Variants in BCAS3 observed in about 807,000 individuals in gnomAD.
The protein encoded by BCAS3 is BCAS4/BCAS3 fusion.
Under a neutral mutation model 116.1 loss-of-function variants are expected in BCAS3, and 53 were observed. The observed-to-expected ratio is 0.46, with a 90% confidence interval of 0.37 to 0.57. The LOEUF (loss-of-function observed/expected upper bound fraction) is 0.57. Among genes scored for constraint, BCAS3 ranks in the 20% least tolerant of loss-of-function variants. The pLI, the probability that BCAS3 is intolerant of heterozygous loss-of-function variation, is 0.00. For synonymous variants in BCAS3, 391 were observed against 408.2 expected (o/e 0.96, Z 0.51); for missense variants, 917 against 1,165.4 (o/e 0.79, Z 3.10).
Position 61,333,358 on chromosome 17 carries a change from C to T in BCAS3, c.2426-34969C>T, listed in dbSNP as rs2056442752. Reference sequence around the variant, plus strand: ...CTGTAATCTTCAGAGGGCACCAGTTCTTACCAGACAATAGCTGTCTATGAC... The same window carrying T: ...CTGTAATCTTCAGAGGGCACCAGTTTTTACCAGACAATAGCTGTCTATGAC... On this transcript the variant is annotated intron_variant, in intron 22 of 23. Coordinates refer to ENST00000407086, the MANE Select transcript of BCAS3 (RefSeq NM_017679.5). The surrounding 1 kb of genome is among the most constrained non-coding windows in gnomAD (Gnocchi z 4.8). Among the ~76,000 whole-genome samples, 1 of 152,182 alleles carries T rather than the reference C, an allele frequency of 6.6e-6. No homozygotes were observed. The highest frequency in any genetic ancestry group is 2.1e-4 in the South Asian group (1 of 4,828).
chr17:61,015,556 G>T (rs986368241), intron 15 of BCAS3, among the ~76,000 whole-genome samples, 195 bp from the exon 16 acceptor site: 1 of 152,180 alleles, frequency 6.6e-6, no homozygotes, highest in Admixed American at 6.5e-5. Flanking sequence ...TGGGATTACA[G>T]TCATGAGCTA....
intron 15 of BCAS3, among the ~76,000 whole-genome samples, chr17:60,996,728 G>C (rs1405786605): frequency 6.6e-6 from 1 of 152,162 alleles, no homozygotes; most frequent in Non-Finnish European, 1.5e-5. Flanking sequence ...AGATCACCTT[G>C]TAGGTAAGTG....
chr17:61,092,961 A>G (rs1426382808), intron 22 of BCAS3, among the ~76,000 whole-genome samples: 1 of 130,114 alleles, frequency 7.7e-6, no homozygotes, highest in Non-Finnish European at 1.5e-5. Context: ...GCTGGAGTGC[A>G]GTGGCATGAT....
intron 6 of BCAS3, among the ~76,000 whole-genome samples, chr17:60,764,408 C>T (rs8080255): frequency 0.27 from 41,710 of 152,014 alleles, 11,433 homozygotes; most frequent in African/African-American, 0.71. Context: ...TTTGTTCTCA[C>T]TAGTTTCAAA....
intron 22 of BCAS3, among the ~76,000 whole-genome samples, chr17:61,146,346 G>A (rs955848450): frequency 6.6e-6 from 1 of 150,704 alleles, no homozygotes. Context: ...TCGAACTCCT[G>A]GGTTCAGGGA....
chr17:61,289,891 C>G (rs1205912480), intron 22 of BCAS3, among the ~76,000 whole-genome samples: 1 of 152,106 alleles, frequency 6.6e-6, no homozygotes, highest in East Asian at 1.9e-4. Flanking sequence ...AAGGTCTGTT[C>G]CTTAGAATCA....
At chr17:61,000,202 C>G (rs1025002716) in intron 15 of BCAS3, among the ~76,000 whole-genome samples, 3 of 152,062 alleles carry the variant, frequency 2.0e-5, no homozygotes, top group Admixed American at 2.0e-4. Context: ...ACATCTTTGT[C>G]TTGTTCCAGT....
chr17:61,328,111 G>C (rs527692360), intron 22 of BCAS3, among the ~76,000 whole-genome samples: 16 of 151,974 alleles, frequency 1.1e-4, no homozygotes, highest in African/African-American at 3.6e-4. Flanking sequence ...TGCAGAGAGA[G>C]TAACAATAAA....
chr17:60,739,598 C>T (rs1035016390), intron 5 of BCAS3, among the ~76,000 whole-genome samples: 6 of 151,342 alleles, frequency 4.0e-5, no homozygotes, highest in South Asian at 2.1e-4. Flanking sequence ...CCAGCCTGGG[C>T]GACAAGAGCA....
At chr17:61,002,841 T>C (rs1679588229) in intron 15 of BCAS3, 1 of 152,170 alleles carries the variant, frequency 6.6e-6, no homozygotes, top group South Asian at 2.1e-4. Context: ...TTTTGAGGCA[T>C]TGAGGCATTA....
chr17:60,754,708 C>T (rs2042829448), intron 6 of BCAS3, among the ~76,000 whole-genome samples: 1 of 35,112 alleles, frequency 2.8e-5, no homozygotes, highest in Non-Finnish European at 1.5e-4. Flanking sequence ...CACACACACA[C>T]ACACACACAC....
chr17:60,882,077 T>C (rs1470063464), intron 9 of BCAS3, among the ~76,000 whole-genome samples: 2 of 148,700 alleles, frequency 1.3e-5, no homozygotes, highest in Non-Finnish European at 3.0e-5. Context: ...AGTGTTCCTA[T>C]TTCTCCACAT....
At chr17:60,861,583 A>G (rs2054163612) in intron 7 of BCAS3, among the ~76,000 whole-genome samples, 1 of 152,026 alleles carries the variant, frequency 6.6e-6, no homozygotes, top group African/African-American at 2.4e-5. Context: ...CTCAGGGGGA[A>G]TGTTTCCAGT....
At chr17:61,074,139 A>G (rs2071714927) in intron 19 of BCAS3, among the ~76,000 whole-genome samples, 1 of 151,690 alleles carries the variant, frequency 6.6e-6, no homozygotes, top group South Asian at 2.1e-4. Flanking sequence ...AAAAGATTAA[A>G]TACAATCATG....
intron 22 of BCAS3, among the ~76,000 whole-genome samples, chr17:61,192,117 G>A (rs536862430): frequency 6.6e-6 from 1 of 151,546 alleles, no homozygotes; most frequent in Admixed American, 6.6e-5. Context: ...GTGGTGGTGG[G>A]TGCCTGTAAT....
At chr17:61,113,242 C>G (rs1339360864) in intron 22 of BCAS3, among the ~76,000 whole-genome samples, 1 of 25,042 alleles carries the variant, frequency 4.0e-5, no homozygotes, top group African/African-American at 7.1e-5. Flanking sequence ...AAAATCAGAG[C>G]AGAACTGAAG....
intron 22 of BCAS3, among the ~76,000 whole-genome samples, chr17:61,165,962 G>A (rs2078466510): frequency 6.6e-6 from 1 of 152,060 alleles, no homozygotes; most frequent in African/African-American, 2.4e-5. Flanking sequence ...GTCAAACTGA[G>A]GTTTTGTAAA....
At position 60,956,330 on chromosome 17, in the gene BCAS3, C is replaced by G. The variant is rs1359235455; in HGVS notation, c.1221+8978C>G. Among the ~76,000 whole-genome samples, 1 of 152,098 alleles carries G rather than the reference C, an allele frequency of 6.6e-6. No individual in the cohort carries two copies. The highest frequency in any genetic ancestry group is 1.5e-5 in the Non-Finnish European group (1 of 68,006). ...GTTTAATTATTATTTGTTTTTGTCT[C>G]TTTTGTATGGAAGTTTTAAATTTGA... On this transcript the variant is annotated intron_variant, in intron 14 of 23. Coordinates refer to ENST00000407086, the MANE Select transcript of BCAS3 (RefSeq NM_017679.5). This position sits in a 1 kb window ranked among gnomAD's most constrained non-coding sequence, Gnocchi z 4.2.
chr17:61,011,456 G>A (rs1286765672), intron 15 of BCAS3, among the ~76,000 whole-genome samples: 3 of 152,036 alleles, frequency 2.0e-5, no homozygotes, highest in Admixed American at 1.3e-4. Context: ...TTCTAGGCCA[G>A]TGAACGTGAG....
Sources: gnomAD v4.1 joint callset for allele counts (sites outside exome capture counted in the v4.1 genomes callset) on GRCh38, gnomAD v4.1.1 for gene constraint, Gnocchi (gnomAD v3.1) non-coding constraint, MANE v1.5 for transcripts, NCBI Gene and HGNC (gene_info 2026-07-23, HGNC 2026-07-21) for gene names.